Variants in ROBO1 observed in about 807,000 individuals in gnomAD.
The protein encoded by ROBO1 is roundabout homolog 1.
In ROBO1, 149 loss-of-function variants were observed where a neutral mutation model predicts 195.9. That is an observed-to-expected ratio of 0.76 (90% CI 0.67 to 0.87). The LOEUF (loss-of-function observed/expected upper bound fraction) is 0.87, where lower values mean the gene tolerates loss of function less well. Among genes scored for constraint, ROBO1 ranks in the 40% least tolerant of loss-of-function variants. ROBO1 has a pLI of 0.00. For synonymous variants in ROBO1, 816 were observed against 733.2 expected, an observed-to-expected ratio of 1.11 and a Z score of -1.82; for missense variants, 1,933 against 2,068.3, an observed-to-expected ratio of 0.93 and a Z score of 1.27.
At chr3:79,571,508 A>G (rs1197894128) in intron 2 of ROBO1, among the ~76,000 whole-genome samples, 1 of 152,124 alleles carries the variant, frequency 6.6e-6, no homozygotes, top group Non-Finnish European at 1.5e-5. Context: ...ATTTAGTGTG[A>G]TCAAGTGAAC....
At chr3:79,654,821 T>C (rs1205339607) in intron 1 of ROBO1, among the ~76,000 whole-genome samples, 2 of 152,026 alleles carry the variant, frequency 1.3e-5, no homozygotes. Flanking sequence ...GGATTGACTG[T>C]TCTGATAAAC....
chr3:79,337,864 A>C (rs527855808), intron 2 of ROBO1, among the ~76,000 whole-genome samples: 6 of 152,228 alleles, frequency 3.9e-5, no homozygotes, highest in Admixed American at 6.5e-5. Flanking sequence ...ATAATTTTAA[A>C]GCCTTAAGTA....
At chr3:79,413,025 G>C (rs2037845606) in intron 2 of ROBO1, among the ~76,000 whole-genome samples, 1 of 150,288 alleles carries the variant, frequency 6.7e-6, no homozygotes, top group African/African-American at 2.4e-5. Context: ...TTCTGTTTGG[G>C]ACCAAATTTA....
rs542754105 is a variant in ROBO1, at chr3:79,018,786, G to T, written c.173-79859C>A. On this transcript the variant is annotated intron_variant, in intron 3 of 30. Coordinates refer to ENST00000464233, the MANE Select transcript of ROBO1 (RefSeq NM_002941.4). ...CAGTAGTGCCGTTTCCTGCCTCCAC[G>T]GTCTTGCGGAGCCTCCCGGCGTGCG... 972 of 1,075,670 alleles carry T rather than the reference G, an allele frequency of 9.0e-4. 3 individuals carry two copies. The highest frequency in any genetic ancestry group is 6.1e-3 in the South Asian group (180 of 29,358). 66.6% of individuals were successfully genotyped at this position (1,075,670 alleles called of 1,614,324 possible).
At chr3:79,072,727 T>G (rs1202804672) in intron 3 of ROBO1, among the ~76,000 whole-genome samples, 3 of 152,000 alleles carry the variant, frequency 2.0e-5, no homozygotes, top group Non-Finnish European at 4.4e-5. Context: ...TTATTGAGTA[T>G]GTAAGAATTA....
At chr3:79,514,702 T>C (rs946066809) in intron 2 of ROBO1, among the ~76,000 whole-genome samples, 1 of 151,512 alleles carries the variant, frequency 6.6e-6, no homozygotes, top group Admixed American at 6.6e-5. Context: ...TATGTGTCTG[T>C]GTGTGAGTGT....
intron 2 of ROBO1, among the ~76,000 whole-genome samples, chr3:79,459,123 T>C (rs1402551098): frequency 1.3e-5 from 2 of 152,170 alleles, no homozygotes; most frequent in East Asian, 1.9e-4. Flanking sequence ...GCATCACATT[T>C]ATACTTTACT....
intron 2 of ROBO1, among the ~76,000 whole-genome samples, chr3:79,243,870 A>C (rs1243917382): frequency 6.6e-6 from 1 of 152,202 alleles, no homozygotes; most frequent in African/African-American, 2.4e-5. Context: ...TTTTGTTGCC[A>C]TTGCTTTTGG....
intron 1 of ROBO1, among the ~76,000 whole-genome samples, chr3:79,677,544 G>A (rs1427119811): frequency 2.0e-5 from 3 of 152,130 alleles, no homozygotes; most frequent in East Asian, 3.9e-4. Flanking sequence ...GCACAGGAAA[G>A]ACCTGCCCCT....
At chr3:78,731,148 A>C (rs2082276732) in intron 5 of ROBO1, among the ~76,000 whole-genome samples, 1 of 152,166 alleles carries the variant, frequency 6.6e-6, no homozygotes, top group Non-Finnish European at 1.5e-5. Flanking sequence ...ATTTATTTGG[A>C]ATGTTCTTTC....
chr3:79,084,966 C>T (rs987079835), intron 3 of ROBO1, among the ~76,000 whole-genome samples: 3 of 152,084 alleles, frequency 2.0e-5, no homozygotes, highest in African/African-American at 7.2e-5. Flanking sequence ...CAATATAAAA[C>T]TGTACATAGC....
At chr3:79,758,141 C>G (rs1704505847) in intron 1 of ROBO1, among the ~76,000 whole-genome samples, 1 of 152,106 alleles carries the variant, frequency 6.6e-6, no homozygotes, top group African/African-American at 2.4e-5. Flanking sequence ...CTATTTTATT[C>G]ATAAATTCAT....
intron 26 of ROBO1, among the ~76,000 whole-genome samples, chr3:78,623,131 T>A (rs1704553486): frequency 6.6e-6 from 1 of 152,182 alleles, no homozygotes; most frequent in South Asian, 2.1e-4. Context: ...GAAATAGATA[T>A]CCATGTCTAA....
chr3:79,492,339 C>A (rs1056120761), intron 2 of ROBO1, among the ~76,000 whole-genome samples: 1 of 146,872 alleles, frequency 6.8e-6, no homozygotes, highest in African/African-American at 2.5e-5. Context: ...GCAGGAGAAT[C>A]GCTTGAACCC....
chr3:79,464,711 T>C (rs1188912123), intron 2 of ROBO1, among the ~76,000 whole-genome samples: 1 of 152,256 alleles, frequency 6.6e-6, no homozygotes, highest in Non-Finnish European at 1.5e-5. Context: ...CTTGATGATA[T>C]CCATTATTAC....
chr3:78,797,959 T>C (rs2084235732), intron 4 of ROBO1, among the ~76,000 whole-genome samples: 1 of 152,152 alleles, frequency 6.6e-6, no homozygotes, highest in Non-Finnish European at 1.5e-5. Context: ...TATCAGGTAT[T>C]AGATATTTTA....
intron 4 of ROBO1, among the ~76,000 whole-genome samples, chr3:78,826,266 T>C (rs928121545): frequency 6.6e-6 from 1 of 152,200 alleles, no homozygotes. Context: ...CATTATATTC[T>C]ACAGAATAAT....
rs771147075 is a variant in ROBO1, at chr3:78,661,274, C to G, written c.2089-13G>C. The G allele has an allele frequency of 7.1e-7, 1 of 1,414,100 alleles. No homozygotes were observed. The highest frequency in any genetic ancestry group is 9.6e-7 in the Non-Finnish European group (1 of 1,045,672). The allele number at this position is 1,414,100 out of a possible 1,614,324, so 87.6% of individuals were successfully genotyped here. On this transcript the variant is annotated splice_polypyrimidine_tract_variant and intron_variant, in intron 15 of 30. Coordinates refer to ENST00000464233, the MANE Select transcript of ROBO1 (RefSeq NM_002941.4). ...ACTGTTGATCTACCTATTAAAAAGA[C>G]AAGTAAAATGTAATTATTCATATTA... is the stretch of plus-strand genomic sequence containing the variant.
In ROBO1 at chr3:78,717,356, G is replaced by A; in HGVS notation, c.836C>T (p.Ala279Val). 1 of 1,613,254 alleles carries A rather than the reference G, an allele frequency of 6.2e-7. No homozygotes were observed. The highest frequency in any genetic ancestry group is 8.5e-7 in the Non-Finnish European group (1 of 1,179,504). The change falls in exon 7 of 31, where the codon GCA (alanine) becomes GTA (valine). Residue 279 changes from alanine (A) to valine (V), a missense_variant. By Grantham distance (64) the Ala-to-Val change is moderately conservative. Transcript: ENST00000464233. ...SNLAVTVDDS[A>V]EFKCEARGDP... ...ACCTCGGGCCTCACATTTAAATTCTGCACTGTCATCCACAGTTACTGCCAA... is the reference window on the plus strand; with the variant it reads ...ACCTCGGGCCTCACATTTAAATTCTACACTGTCATCCACAGTTACTGCCAA...
Sources: allele counts gnomAD v4.1 joint callset (sites outside exome capture counted in the v4.1 genomes callset), GRCh38; gene constraint gnomAD v4.1.1; transcripts MANE v1.5; gene names NCBI Gene and HGNC (gene_info 2026-07-23, HGNC 2026-07-21).